The following INTS1 variants were observed in gnomAD, a reference collection of about 807,000 sequenced individuals.
INTS1 encodes integrator complex subunit 1.
INTS1 carries 137 observed loss-of-function variants against 241.6 expected under a neutral mutation model. The observed-to-expected ratio is 0.57, with a 90% CI of 0.49 to 0.65. The LOEUF is 0.65. INTS1 is among the 30% of genes least tolerant of loss of function. The probability of loss-of-function intolerance (pLI) is 0.00; values close to 1 mark genes in which losing one functional copy is unlikely to be tolerated. For synonymous variants in INTS1, 1,692 were observed against 1,337.8 expected, an observed-to-expected ratio of 1.26 and a Z score of -5.78; for missense variants, 3,073 against 3,032.2, an observed-to-expected ratio of 1.01 and a Z score of -0.32.
Position 1,501,788 on chromosome 7 carries a change from G to A in INTS1, c.349+1113C>T, listed in dbSNP as rs1300915722. On this transcript the variant is annotated intron_variant, in intron 3 of 47. Coordinates refer to ENST00000404767, the MANE Select transcript of INTS1 (RefSeq NM_001080453.3). ...GCCATCCTGGGCCGTTTGCCCCCAGGGCTCCCTGATGCCAACTGAGTCCAG... is the reference window on the plus strand; with the variant it reads ...GCCATCCTGGGCCGTTTGCCCCCAGAGCTCCCTGATGCCAACTGAGTCCAG... Among the ~76,000 whole-genome samples the A allele has an allele frequency of 2.0e-5, 3 of 152,124 alleles. No homozygotes were observed. In the East Asian group the frequency reaches 5.8e-4, roughly 29 times the overall value.
chr7:1,479,743 GGA>G, intron 30 of INTS1, 59 bp from the exon 31 acceptor site: 1 of 1,428,824 alleles, frequency 7.0e-7, no homozygotes, highest in Non-Finnish European at 9.2e-7. Flanking sequence ...GGAGCGCAGC[GGA>G]GAGGCTAAGC....
Position 1,493,608 on chromosome 7 carries a change from G to A in INTS1, c.2068+146C>T, listed in dbSNP as rs1469175097. On this transcript the variant is annotated intron_variant, in intron 15 of 47. Coordinates refer to ENST00000404767, the MANE Select transcript of INTS1 (RefSeq NM_001080453.3). This position sits in a 1 kb window ranked among gnomAD's most constrained non-coding sequence, Gnocchi z 5.3. ...ATTCCCAACGGCAGATGTGGAGAAGGCAGGTCCCCGAGCCTCCCGGGGACC... is the reference window on the plus strand; with the variant it reads ...ATTCCCAACGGCAGATGTGGAGAAGACAGGTCCCCGAGCCTCCCGGGGACC... 2.1e-6 allele frequency: 2 copies of A among 952,616 alleles called. No homozygotes were observed. The highest frequency in any genetic ancestry group is 2.9e-6 in the Non-Finnish European group (2 of 684,732). 59.0% of individuals were successfully genotyped at this position (952,616 alleles called of 1,614,324 possible).
intron 31 of INTS1, 37 bp downstream of exon 31, chr7:1,479,393 T>C (rs1305385823): frequency 1.3e-6 from 2 of 1,546,574 alleles, no homozygotes; most frequent in Non-Finnish European, 8.7e-7. Flanking sequence ...GAGCCCTCAC[T>C]GCCCTCCTCC....
intron 18 of INTS1, 135 bp from the exon 19 acceptor site, chr7:1,488,092 G>A (rs547775667): frequency 3.3e-6 from 3 of 912,886 alleles, no homozygotes; most frequent in Non-Finnish European, 5.2e-6. Flanking sequence ...AGGAGCACAG[G>A]GCGCCCGGTA....
chr7:1,477,901 G>C lies in INTS1; in HGVS notation c.4666C>G (p.Leu1556Val). 6.2e-7 allele frequency: 1 copy of C among 1,612,640 alleles called. No homozygotes were observed. The highest frequency in any genetic ancestry group is 8.5e-7 in the Non-Finnish European group (1 of 1,179,844). ...AAGAATGCAGTCAGCAGCTCCTCCA[G>C]GTGGGGGGACCTCACCTCGATCAGC... ...QGLIEVRSPHLEELLTAFFSA... is the reference protein window; with the variant it reads ...QGLIEVRSPHVEELLTAFFSA... The change falls in exon 34 of 48, where the codon CTG (leucine) becomes GTG (valine). Residue 1556 changes from leucine to valine, a missense_variant. Leu to Val is a conservative substitution (Grantham distance 32). Coordinates refer to ENST00000404767, the MANE Select transcript of INTS1 (RefSeq NM_001080453.3).
At chr7:1,495,972 G>T (rs895220082) in intron 12 of INTS1, among the ~76,000 whole-genome samples, 184 bp downstream of exon 12, 10 of 152,204 alleles carry the variant, frequency 6.6e-5, no homozygotes, top group Non-Finnish European at 1.0e-4. Context: ...CCTGCAGCTG[G>T]GGTGAGGCCC....
intron 46 of INTS1, 82 bp from the exon 47 acceptor site, chr7:1,471,037 C>T: frequency 6.6e-7 from 1 of 1,514,574 alleles, no homozygotes; most frequent in African/African-American, 1.4e-5. Context: ...GCTGAGCCGC[C>T]TGGAAGCCTG....
At position 1,480,454 on chromosome 7, in the gene INTS1, G is replaced by A. The variant is rs1333376481; in HGVS notation, c.3950-13C>T. 3 of 1,610,484 alleles carry A rather than the reference G, an allele frequency of 1.9e-6. No individual in the cohort carries two copies. Among genetic ancestry groups the A allele is most frequent in the East Asian group, 2.2e-5 (1 of 44,810 alleles). On this transcript the variant is annotated splice_polypyrimidine_tract_variant and intron_variant, in intron 29 of 47. Coordinates refer to ENST00000404767, the MANE Select transcript of INTS1 (RefSeq NM_001080453.3). Reference sequence around the variant, plus strand: ...GCCTCTGTGCTGTCTGCAGAGACAGGAGAACTGTCAGTGGCTGGACACTTT... The same window carrying A: ...GCCTCTGTGCTGTCTGCAGAGACAGAAGAACTGTCAGTGGCTGGACACTTT...
In INTS1 at chr7:1,499,077, G is replaced by A. The variant is rs764491745; in HGVS notation, c.1035C>T (p.Asn345=). The change falls in exon 8 of 48, where the codon AAC becomes AAT. Residue 345 remains asparagine (N), a synonymous_variant. Transcript: ENST00000404767. ...DQLNRRQPID[N]VSRNLLRLLT... ...GGAGCCGCAGGAGGTTCCTGGAGAC[G>A]TTGTCGATGGGCTGGCGCCGGTTCA... 22 of 1,608,636 alleles carry A rather than the reference G, an allele frequency of 1.4e-5. No homozygotes were observed. The highest frequency in any genetic ancestry group is 1.1e-4 in the African/African-American group (8 of 74,790).
Position 1,503,904 on chromosome 7 carries a change from T to A in INTS1, c.57A>T (p.Ser19=). ...TGCAGAGCGAGGAGGGAGACGCACC[T>A]GAGGGTTTGGCCGCGGCGCTGGGCC... ...VRRPSAAAKP[S]GHPPPGDFIA... The change falls in exon 2 of 48, where the codon TCA becomes TCT. Residue 19 remains serine (S), a splice_region_variant and synonymous_variant. Coordinates refer to ENST00000404767, the MANE Select transcript of INTS1 (RefSeq NM_001080453.3). 6.5e-7 allele frequency: 1 copy of A among 1,527,900 alleles called. No homozygotes were observed. The highest frequency in any genetic ancestry group is 1.9e-5 in the Admixed American group (1 of 52,252). The allele number at this position is 1,527,900 out of a possible 1,614,324, so 94.6% of individuals were successfully genotyped here.
At position 1,471,242 on chromosome 7, in the gene INTS1, G is replaced by A. The variant is rs756702254; in HGVS notation, c.6256-18C>T. The A allele has an allele frequency of 5.8e-6, 9 of 1,562,702 alleles. No homozygotes were observed. Among genetic ancestry groups the A allele is most frequent in the Admixed American group, 1.9e-5 (1 of 52,722 alleles). ...AGGTTGGTCTGACCGGGGGAAAGGT[G>A]GGAGGTGTGTGACCAAGGGGTCCAG... On this transcript the variant is annotated intron_variant, in intron 45 of 47. Coordinates refer to ENST00000404767, the MANE Select transcript of INTS1 (RefSeq NM_001080453.3).
chr7:1,472,321 C>T lies in INTS1; in HGVS notation c.6136G>A (p.Glu2046Lys), dbSNP rs763454561. 17 of 1,570,408 alleles carry T rather than the reference C, an allele frequency of 1.1e-5. No homozygotes were observed. Among genetic ancestry groups the T allele is most frequent in the East Asian group, 2.3e-5 (1 of 42,720 alleles). ...AGCCGTTTCATGTAGGGGGCCATCT[C>T]GGCCGCGGTCAGAGGGGTGAACAGG... ...VSLFTPLTAA[E>K]MAPYMKRLSR... The change falls in exon 44 of 48, where the codon GAG (glutamate) becomes AAG (lysine). Residue 2046 changes from glutamate (E) to lysine (K), a missense_variant. Transcript: ENST00000404767.
chr7:1,491,937 G>A (rs751629053), intron 16 of INTS1, among the ~76,000 whole-genome samples: 3 of 152,198 alleles, frequency 2.0e-5, no homozygotes, highest in Non-Finnish European at 1.5e-5. Flanking sequence ...CGAAACAAAC[G>A]TGAGATACCG....
In INTS1 at chr7:1,472,290, CG is replaced by C; in HGVS notation, c.6166del (p.Arg2056GlyfsTer12). On this transcript the variant is annotated frameshift_variant, in exon 44 of 48. Coordinates refer to ENST00000404767, the MANE Select transcript of INTS1 (RefSeq NM_001080453.3). LOFTEE classifies it high-confidence loss of function. ...TGACTCACCCTCCACCGTTTGGCCC[CG>C]GGAAAGCCGTTTCATGTAGGGGGCC... ...EMAPYMKRLS[R>X]GQTVEDLLEV... 1 of 1,556,674 alleles carries C rather than the reference CG, an allele frequency of 6.4e-7. No homozygotes were observed.
chr7:1,501,758 G>C (rs746842389), intron 3 of INTS1, among the ~76,000 whole-genome samples: 10 of 152,124 alleles, frequency 6.6e-5, no homozygotes, highest in Non-Finnish European at 1.2e-4. Flanking sequence ...CAGTCCCCCA[G>C]CTGTGCCATC....
At position 1,503,016 on chromosome 7, in the gene INTS1, G is replaced by A. The variant is rs1210982583; in HGVS notation, c.234C>T (p.Pro78=). The A allele has an allele frequency of 1.2e-6, 2 of 1,613,818 alleles. No individual in the cohort carries two copies. Among genetic ancestry groups the A allele is most frequent in the East Asian group, 2.2e-5 (1 of 44,874 alleles). The change falls in exon 3 of 48, where the codon CCC becomes CCT. Residue 78 remains proline (P), a synonymous_variant. Coordinates refer to ENST00000404767, the MANE Select transcript of INTS1 (RefSeq NM_001080453.3). ...ASALTGLTKR[P]KLSSTPPLSA... is the part of the protein sequence containing the mutation. ...TCAGAGGGGGTGTGGAGGAGAGTTT[G>A]GGGCGTTTGGTGAGACCGGTGAGGG...
At chr7:1,501,666 G>A (rs1263536944) in intron 3 of INTS1, among the ~76,000 whole-genome samples, 2 of 152,204 alleles carry the variant, frequency 1.3e-5, no homozygotes, top group Non-Finnish European at 2.9e-5. Flanking sequence ...GATGAGGCCT[G>A]TGGTCTCTGT....
chr7:1,478,992 G>C (rs538035661), intron 31 of INTS1, 107 bp from the exon 32 acceptor site: 15 of 1,294,880 alleles, frequency 1.2e-5, no homozygotes, highest in Non-Finnish European at 1.6e-5. Context: ...TGCCGCGACC[G>C]GCACTTGGAG....
In INTS1 at chr7:1,497,442, G is replaced by A. The variant is rs556692723; in HGVS notation, c.1426-128C>T. 167 of 906,714 alleles carry A rather than the reference G, an allele frequency of 1.8e-4. 2 individuals carry two copies. The highest frequency in any genetic ancestry group is 1.5e-3 in the South Asian group (83 of 54,212). 56.2% of individuals were successfully genotyped at this position (906,714 alleles called of 1,614,324 possible). A position where few individuals can be genotyped will look rare whatever the true frequency, so the allele number is the denominator to read the frequency against. On this transcript the variant is annotated intron_variant, in intron 10 of 47. Transcript: ENST00000404767. The surrounding 1 kb of genome is among the most constrained non-coding windows in gnomAD (Gnocchi z 5.3). ...GTGGGTCTCAGACAGTGTGGGGTGC[G>A]GGGTGGCGGGCTCCTTGCTCTACTG...
Sources: gnomAD v4.1 joint callset for allele counts (sites outside exome capture counted in the v4.1 genomes callset) on GRCh38, gnomAD v4.1.1 for gene constraint, Gnocchi (gnomAD v3.1) non-coding constraint, MANE v1.5 for transcripts, NCBI Gene and HGNC (gene_info 2026-07-23, HGNC 2026-07-21) for gene names.